The following CCDC171 variants were observed in gnomAD, a reference collection of about 807,000 sequenced individuals.
CCDC171 encodes coiled-coil domain-containing protein 171.
In CCDC171, 177 loss-of-function variants were observed where a neutral mutation model predicts 168.2. The observed-to-expected ratio is 1.05, with a 90% CI of 0.93 to 1.19. The LOEUF is 1.19. Ranked by LOEUF, CCDC171 falls within the 50% of genes most tolerant of loss-of-function variation. CCDC171 has a pLI of 0.00. For synonymous variants in CCDC171, 687 were observed against 540.8 expected (o/e 1.27, Z -3.75); for missense variants, 1,991 against 1,539.0 (o/e 1.29, Z -4.91).
At chr9:15,581,876 G>C (rs2041149748) in intron 4 of CCDC171, among the ~76,000 whole-genome samples, 1 of 152,052 alleles carries the variant, frequency 6.6e-6, no homozygotes, top group African/African-American at 2.4e-5. Context: ...CATGGGCAAG[G>C]ACTTCATAAC....
chr9:15,636,892 G>A (rs1034038508), intron 7 of CCDC171, among the ~76,000 whole-genome samples: 1 of 151,986 alleles, frequency 6.6e-6, no homozygotes, highest in Non-Finnish European at 1.5e-5. Flanking sequence ...TTATAGTTGT[G>A]AGGCTGTACT....
intron 7 of CCDC171, among the ~76,000 whole-genome samples, chr9:15,623,981 C>G (rs2044809504): frequency 6.6e-6 from 1 of 152,108 alleles, no homozygotes; most frequent in Non-Finnish European, 1.5e-5. Flanking sequence ...TAAAATTTCT[C>G]TTTGCTTTGT....
At chr9:15,955,407 C>T (rs548566411) in intron 25 of CCDC171, among the ~76,000 whole-genome samples, 1 of 152,090 alleles carries the variant, frequency 6.6e-6, no homozygotes, top group African/African-American at 2.4e-5. Flanking sequence ...CCTTTTGGTA[C>T]CTCTGTGATA....
At position 16,045,165 on chromosome 9, in the gene CCDC171, G is replaced by A. The variant is rs574501171; in HGVS notation, n.89+2279G>A. ...TAGCCCAATGCAATTCTTGTTTGGG[G>A]GTCCCCAGAAGCACACCCTGAGACA... On this transcript the variant is annotated intron_variant and non_coding_transcript_variant, in intron 1 of 1. Transcript: ENST00000478913. Among the ~76,000 whole-genome samples the A allele has an allele frequency of 3.9e-5, 6 of 152,264 alleles. 1 individual carries two copies. The highest frequency in any genetic ancestry group is 3.9e-4 in the Admixed American group (6 of 15,290).
chr9:15,987,958 A>C (rs149170900), intron 3 of CCDC171, among the ~76,000 whole-genome samples: 1 of 152,254 alleles, frequency 6.6e-6, no homozygotes, highest in African/African-American at 2.4e-5. Context: ...GGGTGTCACT[A>C]TCTCAGCCAC....
chr9:15,976,075 G>A (rs953917151), downstream of CCDC171, among the ~76,000 whole-genome samples: 10 of 152,142 alleles, frequency 6.6e-5, no homozygotes, highest in African/African-American at 2.4e-4. Context: ...TCAGGGCGGT[G>A]CTAGAAGCAG....
chr9:15,940,153 T>A (rs1827553147), intron 25 of CCDC171, among the ~76,000 whole-genome samples: 1 of 151,916 alleles, frequency 6.6e-6, no homozygotes, highest in African/African-American at 2.4e-5. Context: ...TTGCTAAGAG[T>A]GTAAAATTAT....
At chr9:16,074,279 TTC>T in the CCDC171 span, among the ~76,000 whole-genome samples, 19 of 152,316 alleles carry the variant, frequency 1.2e-4, 1 homozygote, top group East Asian at 3.7e-3. Flanking sequence ...TCCAACAGCA[TTC>T]TCTTTGTCTT....
chr9:15,920,204 T>G, intron 24 of CCDC171, 66 bp from the exon 25 acceptor site: 1 of 1,020,518 alleles, frequency 9.8e-7, no homozygotes, highest in Non-Finnish European at 1.3e-6. Context: ...GCTTTCAAAT[T>G]ATGGAAATTC....
intron 25 of CCDC171, among the ~76,000 whole-genome samples, chr9:15,945,746 A>C (rs1828280894): frequency 6.6e-6 from 1 of 151,596 alleles, no homozygotes; most frequent in African/African-American, 2.4e-5. Context: ...TTTCTTGTAA[A>C]TTTGTTTGAG....
At chr9:15,723,608 A>C (rs752072458) in intron 12 of CCDC171, 73 bp from the exon 13 acceptor site, 1 of 1,018,250 alleles carries the variant, frequency 9.8e-7, no homozygotes, top group South Asian at 1.4e-5. Context: ...CTTTTGAGTT[A>C]CCCATCCTTG....
At chr9:15,797,659 A>G (rs1271656182) in intron 21 of CCDC171, among the ~76,000 whole-genome samples, 1 of 152,082 alleles carries the variant, frequency 6.6e-6, no homozygotes, top group Non-Finnish European at 1.5e-5. Context: ...TCTTAACAGT[A>G]TCTTTCAAAT....
chr9:15,582,293 G>C (rs1312409373), intron 4 of CCDC171, among the ~76,000 whole-genome samples: 1 of 152,176 alleles, frequency 6.6e-6, no homozygotes, highest in Admixed American at 6.5e-5. Context: ...TGCTGGAGAG[G>C]AGATGTGGAG....
chr9:15,846,670 G>T, intron 21 of CCDC171, 32 bp from the exon 22 acceptor site: 1 of 1,608,958 alleles, frequency 6.2e-7, no homozygotes, highest in South Asian at 1.1e-5. Flanking sequence ...TATCAGGGCT[G>T]ACAAGTAACT....
In CCDC171 at chr9:15,820,803, G is replaced by A. The variant is rs568374537; in HGVS notation, c.3268-25899G>A. On this transcript the variant is annotated intron_variant, in intron 21 of 25. Coordinates refer to ENST00000380701, the MANE Select transcript of CCDC171 (RefSeq NM_173550.4). ...TCCTTCTGAAACTATTACAATTAAT[G>A]GAAAAAGAGGGAATCCTCCCTAACT... Among the ~76,000 whole-genome samples the A allele has an allele frequency of 9.9e-4, 116 of 116,674 alleles. 26 individuals are homozygous for A. Among genetic ancestry groups the A allele is most frequent in the African/African-American group, 3.4e-3 (106 of 31,116 alleles). 76.5% of individuals were successfully genotyped at this position (116,674 alleles called of 152,430 possible).
intron 25 of CCDC171, among the ~76,000 whole-genome samples, chr9:15,935,401 C>G (rs776731584): frequency 5.3e-5 from 8 of 151,932 alleles, no homozygotes; most frequent in Non-Finnish European, 1.0e-4. Context: ...TGAAGGGTTG[C>G]TATTTGATGA....
chr9:16,046,763 C>CA (rs1833668984), intron 1 of CCDC171, among the ~76,000 whole-genome samples: 1 of 152,176 alleles, frequency 6.6e-6, no homozygotes, highest in Admixed American at 6.5e-5. Context: ...TGCCTTTCAC[C>CA]TTCCACCATG....
intron 24 of CCDC171, chr9:15,886,510 A>G (rs1014683022): frequency 2.0e-5 from 3 of 152,164 alleles, no homozygotes; most frequent in African/African-American, 4.8e-5. Flanking sequence ...TTTGTGCACT[A>G]TTGGTGGAAA....
At chr9:16,090,342 C>A in the CCDC171 span, among the ~76,000 whole-genome samples, 2 of 152,064 alleles carry the variant, frequency 1.3e-5, no homozygotes, top group East Asian at 1.9e-4. Flanking sequence ...TGCATGTTCT[C>A]ACTCATAAGT....
Sources: allele counts gnomAD v4.1 joint callset (sites outside exome capture counted in the v4.1 genomes callset), GRCh38; gene constraint gnomAD v4.1.1; transcripts MANE v1.5; gene names NCBI Gene and HGNC (gene_info 2026-07-23, HGNC 2026-07-21).